Variants in SLC44A5 observed in about 807,000 individuals in gnomAD.
The protein encoded by SLC44A5 is solute carrier family 44 member 5.
Under a neutral mutation model 101.8 loss-of-function variants are expected in SLC44A5, and 57 were observed. That is an observed-to-expected ratio of 0.56 (90% CI 0.45 to 0.70). SLC44A5 has a LOEUF of 0.70. Among genes scored for constraint, SLC44A5 ranks in the 30% least tolerant of loss-of-function variants. The probability of loss-of-function intolerance (pLI) is 0.00; values close to 1 mark genes in which losing one functional copy is unlikely to be tolerated. For synonymous variants in SLC44A5, 281 were observed against 290.9 expected (o/e 0.97, Z 0.35); for missense variants, 737 against 853.1 (o/e 0.86, Z 1.70).
intron 5 of SLC44A5, among the ~76,000 whole-genome samples, chr1:75,276,416 T>C (rs1310009812): frequency 6.6e-6 from 1 of 152,216 alleles, no homozygotes; most frequent in Non-Finnish European, 1.5e-5. Context: ...TTTTCTGTAA[T>C]GTTTTTAAAG....
chr1:75,718,215 T>C, the SLC44A5 span, among the ~76,000 whole-genome samples: 48 of 152,338 alleles, frequency 3.2e-4, no homozygotes, highest in Middle Eastern at 3.4e-3. Flanking sequence ...TTTCTAGTAA[T>C]GGTAAATCTG....
chr1:75,395,569 GT>G (rs1662071922), intron 3 of SLC44A5, among the ~76,000 whole-genome samples: 2 of 152,038 alleles, frequency 1.3e-5, no homozygotes, highest in Admixed American at 1.3e-4. Context: ...ATCTAAGTAG[GT>G]AAAATTAAAG....
rs1336583876 is a variant in SLC44A5, at chr1:75,229,848, G to GCATAC, written c.854-1992_854-1991insGTATG. ...ACAGAATAATGTATGACTAGATGTG[G>GCATAC]ATTTCTCTTCCTTTACTCTCCTTAG... On this transcript the variant is annotated intron_variant, in intron 12 of 23. Transcript: ENST00000370859. 1.2e-3 allele frequency among the ~76,000 whole-genome samples: 182 copies of GCATAC among 152,214 alleles called. 1 individual carries two copies. The highest frequency in any genetic ancestry group is 4.1e-3 in the African/African-American group (169 of 41,548).
the SLC44A5 span, chr1:75,709,977 T>C: frequency 6.6e-6 from 1 of 152,154 alleles, no homozygotes; most frequent in African/African-American, 2.4e-5. Context: ...AAAATTATGG[T>C]AAATAAGTAA....
chr1:75,559,943 C>T (rs899538163), intron 1 of SLC44A5, among the ~76,000 whole-genome samples: 14 of 152,130 alleles, frequency 9.2e-5, no homozygotes, highest in African/African-American at 3.4e-4. Flanking sequence ...AGATGTTTAT[C>T]ATTAGTCATT....
At chr1:75,357,923 T>A (rs542228381) in intron 3 of SLC44A5, among the ~76,000 whole-genome samples, 2 of 152,138 alleles carry the variant, frequency 1.3e-5, no homozygotes, top group African/African-American at 4.8e-5. Flanking sequence ...TTTAGAAATG[T>A]TAGAAAACAA....
intron 4 of SLC44A5, among the ~76,000 whole-genome samples, chr1:75,302,104 G>GT (rs1204998592): frequency 0.048 from 2,346 of 48,968 alleles, 83 homozygotes; most frequent in East Asian, 0.17. Context: ...AGGTGCTCTA[G>GT]TTTTTTTGTT....
chr1:75,336,302 C>T (rs1215282606), intron 4 of SLC44A5, among the ~76,000 whole-genome samples: 2 of 152,020 alleles, frequency 1.3e-5, no homozygotes, highest in Non-Finnish European at 2.9e-5. Context: ...TAAAGGCACG[C>T]ACCACCACAC....
At chr1:75,706,147 G>A in the SLC44A5 span, among the ~76,000 whole-genome samples, 1 of 152,150 alleles carries the variant, frequency 6.6e-6, no homozygotes, top group African/African-American at 2.4e-5. Context: ...TGAAAAAGAT[G>A]TGTTCAAGGT....
At chr1:75,634,164 A>G in the SLC44A5 span, among the ~76,000 whole-genome samples, 1 of 152,204 alleles carries the variant, frequency 6.6e-6, no homozygotes, top group Non-Finnish European at 1.5e-5. Context: ...TTCATCAAGG[A>G]TATTGGTCTA....
chr1:75,470,647 T>C (rs1284431905), intron 2 of SLC44A5, among the ~76,000 whole-genome samples: 1 of 152,092 alleles, frequency 6.6e-6, no homozygotes, highest in Admixed American at 6.5e-5. Context: ...AAGCTAAACC[T>C]ACACCATGAG....
At chr1:75,555,903 A>G (rs999534152) in intron 1 of SLC44A5, among the ~76,000 whole-genome samples, 3 of 152,164 alleles carry the variant, frequency 2.0e-5, no homozygotes, top group African/African-American at 4.8e-5. Context: ...TTAAACTTGC[A>G]ACAACATAGA....
chr1:75,585,111 C>A (rs1174338186), intron 1 of SLC44A5, among the ~76,000 whole-genome samples: 1 of 152,170 alleles, frequency 6.6e-6, no homozygotes, highest in African/African-American at 2.4e-5. Context: ...CAAATCACTT[C>A]ATCTCACTCA....
intron 6 of SLC44A5, among the ~76,000 whole-genome samples, chr1:75,272,299 G>A (rs1290487130): frequency 1.4e-5 from 2 of 146,094 alleles, no homozygotes; most frequent in Non-Finnish European, 3.0e-5. Flanking sequence ...TTGCTGAGCA[G>A]AAGCTTTTTA....
chr1:75,682,675 C>T, the SLC44A5 span, among the ~76,000 whole-genome samples: 3 of 151,532 alleles, frequency 2.0e-5, no homozygotes, highest in African/African-American at 7.3e-5. Flanking sequence ...TAGGCAATAC[C>T]ATTCAGGACA....
the SLC44A5 span, among the ~76,000 whole-genome samples, chr1:75,699,385 T>C: frequency 6.6e-6 from 1 of 152,062 alleles, no homozygotes; most frequent in Non-Finnish European, 1.5e-5. Flanking sequence ...ACCCAGAATT[T>C]CATATCCAGC....
the SLC44A5 span, among the ~76,000 whole-genome samples, chr1:75,689,361 C>T: frequency 6.6e-6 from 1 of 152,110 alleles, no homozygotes; most frequent in Non-Finnish European, 1.5e-5. Context: ...ATCTGGGGTA[C>T]ATCCCAAGCC....
the SLC44A5 span, among the ~76,000 whole-genome samples, chr1:75,692,185 CT>C: frequency 0.043 from 3,638 of 84,610 alleles, 54 homozygotes; most frequent in Middle Eastern, 0.074. Flanking sequence ...AGATGGGATT[CT>C]TTTTTTTTTT....
chr1:75,244,830 C>T lies in SLC44A5; in HGVS notation c.346-1819G>A, dbSNP rs1300432434. On this transcript the variant is annotated intron_variant, in intron 7 of 23. Coordinates refer to ENST00000370859, the MANE Select transcript of SLC44A5 (RefSeq NM_001130058.2). ...ATAAAAAACAAAAGTCAGATGAAGC[C>T]ATGTGAGCTGCAGCTAACCCTTTCA... Among the ~76,000 whole-genome samples the T allele has an allele frequency of 2.6e-5, 4 of 152,012 alleles. 1 individual carries two copies. Among genetic ancestry groups the T allele is most frequent in the Admixed American group, 6.6e-5 (1 of 15,240 alleles).
Sources: allele counts gnomAD v4.1 joint callset (sites outside exome capture counted in the v4.1 genomes callset), GRCh38; gene constraint gnomAD v4.1.1; transcripts MANE v1.5; gene names NCBI Gene and HGNC (gene_info 2026-07-23, HGNC 2026-07-21).